DMD: variants seen among roughly 807,000 people sequenced by gnomAD.
DMD encodes mutant dystrophin.
In DMD, 63 loss-of-function variants were observed where a neutral mutation model predicts 330.1. That is an observed-to-expected ratio of 0.19 (90% CI 0.16 to 0.24). The LOEUF (loss-of-function observed/expected upper bound fraction) is 0.24. Among genes scored for constraint, DMD ranks in the 10% least tolerant of loss-of-function variants. DMD has a pLI of 1.00. For synonymous variants in DMD, 1,223 were observed against 959.8 expected (o/e 1.27, Z -5.07); for missense variants, 3,344 against 2,684.1 (o/e 1.25, Z -5.43).
chrX:32,242,734 G>A (rs950959366), intron 43 of DMD, among the ~76,000 whole-genome samples: 1 of 110,883 alleles, frequency 9.0e-6, no homozygotes, highest in African/African-American at 3.3e-5. Context: ...CATTTCTTGA[G>A]GGTTGGATTC....
At chrX:31,634,165 G>C (rs1005112590) in intron 54 of DMD, among the ~76,000 whole-genome samples, 5 of 112,290 alleles carry the variant, frequency 4.5e-5, no homozygotes, top group African/African-American at 9.7e-5. Context: ...TACATACAAA[G>C]ATATTCTCCT....
chrX:32,707,654 G>A (rs2064801173), intron 7 of DMD, among the ~76,000 whole-genome samples: 1 of 111,617 alleles, frequency 9.0e-6, no homozygotes, highest in South Asian at 3.7e-4. Context: ...ATTGTCCTAA[G>A]TTTACATATG....
At position 33,010,019 on chromosome X, in the gene DMD, TATGTGTGTAC is replaced by T. The variant is rs2093640474; in HGVS notation, c.93+10110_93+10119del. On this transcript the variant is annotated intron_variant, in intron 2 of 78. Transcript: ENST00000357033. Reference sequence around the variant, plus strand: ...ACACGTATGTATGTGTATATACACATATGTGTGTACATGTGTATATACACATGTGTATATA... The same window carrying T: ...ACACGTATGTATGTGTATATACACATATGTGTATATACACATGTGTATATA... Among the ~76,000 whole-genome samples the T allele has an allele frequency of 6.6e-5, 4 of 61,052 alleles. 1 individual carries two copies. Among genetic ancestry groups the T allele is most frequent in the East Asian group, 1.5e-3 (2 of 1,292 alleles). The allele number at this position is 61,052 out of a possible 115,157, so 53.0% of individuals were successfully genotyped here.
chrX:33,333,183 A>G (rs2148965889), intron 1 of DMD, among the ~76,000 whole-genome samples: 1 of 111,507 alleles, frequency 9.0e-6, no homozygotes, highest in African/African-American at 3.2e-5. Flanking sequence ...CAATTACATA[A>G]AATTGACTAG....
At chrX:31,402,639 G>C (rs2061240897) in intron 60 of DMD, among the ~76,000 whole-genome samples, 1 of 111,822 alleles carries the variant, frequency 8.9e-6, no homozygotes, top group Admixed American at 9.5e-5. Context: ...CTTTTTGAGG[G>C]AACGATTTCT....
At chrX:32,685,761 A>C (rs2062812462) in intron 9 of DMD, among the ~76,000 whole-genome samples, 1 of 111,842 alleles carries the variant, frequency 8.9e-6, no homozygotes, top group Non-Finnish European at 1.9e-5. Context: ...AGAAATGAGG[A>C]GTTTCATAAC....
chrX:32,400,230 C>T (rs1203449475), intron 30 of DMD, among the ~76,000 whole-genome samples: 2 of 111,651 alleles, frequency 1.8e-5, no homozygotes, highest in South Asian at 3.7e-4. Flanking sequence ...TGGTTTTTGT[C>T]TTTGGCTCTG....
At chrX:31,150,307 T>C in intron 74 of DMD, among the ~76,000 whole-genome samples, 1 of 112,362 alleles carries the variant, frequency 8.9e-6, no homozygotes. Flanking sequence ...CCATAAATTT[T>C]ATTCCATTTA....
intron 44 of DMD, among the ~76,000 whole-genome samples, chrX:32,008,632 A>ATT (rs5902001): frequency 1.1e-3 from 116 of 110,188 alleles, no homozygotes; most frequent in Non-Finnish European, 1.3e-3. Flanking sequence ...GTAGAAAAAC[A>ATT]TTTTTTAAAA....
chrX:31,334,777 G>T (rs932755497), intron 61 of DMD, among the ~76,000 whole-genome samples: 44 of 111,797 alleles, frequency 3.9e-4, no homozygotes, highest in African/African-American at 1.2e-3. Flanking sequence ...TAGTTGATAA[G>T]ACCCTTCCTC....
intron 4 of DMD, among the ~76,000 whole-genome samples, chrX:32,835,996 TCTTG>T (rs2079582938): frequency 9.0e-6 from 1 of 110,573 alleles, no homozygotes; most frequent in Non-Finnish European, 1.9e-5. Context: ...ATTATCAATT[TCTTG>T]GTGTGTGGAC....
intron 9 of DMD, among the ~76,000 whole-genome samples, chrX:32,691,614 T>C (rs2063287420): frequency 9.0e-6 from 1 of 110,918 alleles, no homozygotes; most frequent in African/African-American, 3.3e-5. Flanking sequence ...CCTCAAAAAT[T>C]AAAAACAGAA....
intron 44 of DMD, among the ~76,000 whole-genome samples, chrX:32,088,408 T>C (rs1489333234): frequency 1.1e-4 from 12 of 109,286 alleles, no homozygotes; most frequent in Non-Finnish European, 1.9e-4. Flanking sequence ...GTTTCTCAAA[T>C]TGAAGCTCTC....
intron 2 of DMD, among the ~76,000 whole-genome samples, chrX:32,870,791 C>T (rs1165795833): frequency 4.6e-5 from 5 of 109,818 alleles, no homozygotes; most frequent in Non-Finnish European, 9.5e-5. Flanking sequence ...GGATTAAAGA[C>T]TTAAACACAA....
rs2097741901 is a variant in DMD at position 32,341,420 on chromosome X, T to A, written c.5922+680A>T. Reference sequence around the variant, plus strand: ...CAAGCTAACAATTCTGAATCGCCTTTTTAAAGAGAGAACCATACACTTTCC... The same window carrying A: ...CAAGCTAACAATTCTGAATCGCCTTATTAAAGAGAGAACCATACACTTTCC... On this transcript the variant is annotated intron_variant, in intron 41 of 78. Coordinates refer to ENST00000357033, the MANE Select transcript of DMD (RefSeq NM_004006.3). 1.8e-5 allele frequency among the ~76,000 whole-genome samples: 2 copies of A among 112,047 alleles called. 1 individual carries two copies.
intron 55 of DMD, among the ~76,000 whole-genome samples, chrX:31,571,477 C>T (rs1303174779): frequency 9.0e-6 from 1 of 110,545 alleles, no homozygotes; most frequent in East Asian, 2.8e-4. Flanking sequence ...TCTGTCTCCG[C>T]TACTAGATTG....
intron 33 of DMD, among the ~76,000 whole-genome samples, chrX:32,385,542 A>G (rs1353467135): frequency 1.8e-5 from 2 of 111,011 alleles, no homozygotes; most frequent in African/African-American, 6.5e-5. Flanking sequence ...AAACTAGACG[A>G]CTGTTATCGC....
At chrX:31,347,782 TAC>T (rs1434636195) in intron 61 of DMD, among the ~76,000 whole-genome samples, 1 of 112,757 alleles carries the variant, frequency 8.9e-6, no homozygotes, top group African/African-American at 3.2e-5. Context: ...TAGTTCTATT[TAC>T]AGTTTGTTGA....
At chrX:32,830,356 T>C (rs186842957) in intron 4 of DMD, among the ~76,000 whole-genome samples, 23 of 111,722 alleles carry the variant, frequency 2.1e-4, no homozygotes, top group African/African-American at 6.8e-4. Context: ...GTCTAATTGC[T>C]AAATAACTGA....
Sources: allele counts gnomAD v4.1 joint callset (sites outside exome capture counted in the v4.1 genomes callset), GRCh38; gene constraint gnomAD v4.1.1; transcripts MANE v1.5; gene names NCBI Gene and HGNC (gene_info 2026-07-23, HGNC 2026-07-21).